Variants in CALN1 observed in about 807,000 individuals in gnomAD.
The protein encoded by CALN1 is calcium-binding protein 8.
A neutral mutation model predicts 30.6 loss-of-function variants in CALN1; 17 were observed. That is an observed-to-expected ratio of 0.56 (90% CI 0.38 to 0.83). The LOEUF (loss-of-function observed/expected upper bound fraction) is 0.83. CALN1 is among the 40% of genes least tolerant of loss of function. The pLI is 0.00. For synonymous variants in CALN1, 156 were observed against 131.4 expected (o/e 1.19, Z -1.28); for missense variants, 291 against 354.9 (o/e 0.82, Z 1.45).
At chr7:72,117,245 A>G in intron 3 of CALN1, among the ~76,000 whole-genome samples, 1 of 152,176 alleles carries the variant, frequency 6.6e-6, no homozygotes, top group East Asian at 1.9e-4. Flanking sequence ...TGAACCCAAG[A>G]GTTTGAAGCT....
intron 3 of CALN1, among the ~76,000 whole-genome samples, chr7:72,251,210 T>C (rs1208331722): frequency 1.3e-5 from 2 of 152,058 alleles, no homozygotes; most frequent in Non-Finnish European, 2.9e-5. Context: ...CACCTTCCAC[T>C]CTGGTCAAAG....
intron 2 of CALN1, among the ~76,000 whole-genome samples, chr7:72,376,448 G>T (rs749728639): frequency 6.6e-6 from 1 of 152,128 alleles, no homozygotes; most frequent in Non-Finnish European, 1.5e-5. Flanking sequence ...GTTTTGATTT[G>T]TATTTCTCTA....
chr7:72,370,973 G>C (rs558675890), intron 2 of CALN1, among the ~76,000 whole-genome samples: 3 of 151,066 alleles, frequency 2.0e-5, no homozygotes, highest in Admixed American at 1.3e-4. Context: ...ACTTGAACCC[G>C]GGACGTGGAG....
At chr7:72,178,336 A>ACTT (rs1449451616) in intron 3 of CALN1, among the ~76,000 whole-genome samples, 1 of 144,446 alleles carries the variant, frequency 6.9e-6, no homozygotes, top group Non-Finnish European at 1.5e-5. Context: ...AAAAGGCTGC[A>ACTT]CTTGTGCAAG....
intron 5 of CALN1, among the ~76,000 whole-genome samples, chr7:71,902,128 G>A (rs1486719902): frequency 6.6e-6 from 1 of 152,118 alleles, no homozygotes; most frequent in Non-Finnish European, 1.5e-5. Context: ...ACAGGCTGAG[G>A]CTGGAGAATG....
At chr7:72,356,413 A>C (rs1803232382) in intron 2 of CALN1, among the ~76,000 whole-genome samples, 1 of 152,000 alleles carries the variant, frequency 6.6e-6, no homozygotes, top group African/African-American at 2.4e-5. Flanking sequence ...ACAGAGTTAA[A>C]GTGTTCTAAG....
intron 2 of CALN1, among the ~76,000 whole-genome samples, chr7:72,282,719 G>C (rs1585353115): frequency 6.6e-6 from 1 of 152,172 alleles, no homozygotes; most frequent in African/African-American, 2.4e-5. Flanking sequence ...CTAGTCTAAG[G>C]TATTTGTTAC....
intron 2 of CALN1, among the ~76,000 whole-genome samples, chr7:72,282,018 G>C (rs1418302860): frequency 1.3e-5 from 2 of 152,152 alleles, no homozygotes; most frequent in Non-Finnish European, 2.9e-5. Context: ...AAAGTCTAGT[G>C]GGGAAGAAAC....
intron 3 of CALN1, among the ~76,000 whole-genome samples, chr7:72,188,084 C>T (rs1437296584): frequency 3.9e-5 from 6 of 152,080 alleles, no homozygotes; most frequent in Non-Finnish European, 5.9e-5. Context: ...AAGAACTGAA[C>T]GTAAAACTAC....
intron 2 of CALN1, among the ~76,000 whole-genome samples, chr7:72,305,563 G>A (rs1199862063): frequency 2.6e-5 from 4 of 152,152 alleles, no homozygotes; most frequent in Admixed American, 2.0e-4. Context: ...CAAAGTTTGA[G>A]AGAATCCTGC....
intron 3 of CALN1, among the ~76,000 whole-genome samples, chr7:72,128,620 C>T (rs942611988): frequency 2.6e-5 from 4 of 152,168 alleles, no homozygotes; most frequent in African/African-American, 9.7e-5. Context: ...CCTGTAATCC[C>T]AGCACTTTGA....
intron 2 of CALN1, among the ~76,000 whole-genome samples, chr7:72,383,841 A>C (rs1805052769): frequency 6.6e-6 from 1 of 152,214 alleles, no homozygotes; most frequent in South Asian, 2.1e-4. Flanking sequence ...CATTAGCATC[A>C]CAATAATCCC....
chr7:71,804,572 A>C (rs933365718), intron 6 of CALN1, among the ~76,000 whole-genome samples: 1 of 152,164 alleles, frequency 6.6e-6, no homozygotes, highest in Non-Finnish European at 1.5e-5. Context: ...TATTTCCAGC[A>C]CTTTGGGAGG....
At chr7:72,110,398 C>G (rs189770097) in intron 3 of CALN1, among the ~76,000 whole-genome samples, 230 of 152,308 alleles carry the variant, frequency 1.5e-3, no homozygotes, top group African/African-American at 5.2e-3. Flanking sequence ...GGACCTGCTC[C>G]TTCGAAGCCT....
chr7:72,394,099 T>C (rs551866833), intron 2 of CALN1, among the ~76,000 whole-genome samples: 22 of 152,294 alleles, frequency 1.4e-4, no homozygotes, highest in African/African-American at 4.8e-4. Context: ...ATTGGTAATA[T>C]GTATGGTGGA....
At chr7:72,222,045 G>A (rs1283832034) in intron 3 of CALN1, among the ~76,000 whole-genome samples, 1 of 152,094 alleles carries the variant, frequency 6.6e-6, no homozygotes, top group Non-Finnish European at 1.5e-5. Flanking sequence ...GGCCAACATG[G>A]TGAAACCCTG....
intron 5 of CALN1, among the ~76,000 whole-genome samples, chr7:71,955,528 A>C (rs1796915188): frequency 6.6e-6 from 1 of 152,082 alleles, no homozygotes; most frequent in African/African-American, 2.4e-5. Flanking sequence ...TTCCACACTT[A>C]AGTCAATGGC....
At position 71,810,424 on chromosome 7, in the gene CALN1, T is replaced by C. The variant is rs1038645770; in HGVS notation, c.570A>G (p.Leu190=). 4.6e-5 allele frequency: 75 copies of C among 1,613,994 alleles called. No homozygotes were observed. The highest frequency in any genetic ancestry group is 6.7e-5 in the African/African-American group (5 of 74,908). ...HILYHAFRDH[L]TMKDIENIII... ...TGATGTTCTCAATGTCCTTCATCGT[T>C]AGGTGGTCTCGGAAGGCATGATAGA... Residue 190 remains leucine (L), a synonymous_variant, in exon 6 of 7, where the codon CTA becomes CTG. Transcript: ENST00000395275.
intron 5 of CALN1, among the ~76,000 whole-genome samples, chr7:71,951,068 C>T (rs941677004): frequency 6.6e-6 from 1 of 152,182 alleles, no homozygotes; most frequent in Non-Finnish European, 1.5e-5. Flanking sequence ...TGCCTGTCTG[C>T]CCCATCTCTC....
Sources: allele counts gnomAD v4.1 joint callset (sites outside exome capture counted in the v4.1 genomes callset), GRCh38; gene constraint gnomAD v4.1.1; transcripts MANE v1.5; gene names NCBI Gene and HGNC (gene_info 2026-07-23, HGNC 2026-07-21).